ATRNL1: variants seen among roughly 807,000 people sequenced by gnomAD.
ATRNL1 encodes the protein attractin like 1.
In ATRNL1, 95 loss-of-function variants were observed where a neutral mutation model predicts 182.7. The observed-to-expected ratio is 0.52, with a 90% CI of 0.44 to 0.62. The LOEUF (loss-of-function observed/expected upper bound fraction) is 0.62. Among genes scored for constraint, ATRNL1 ranks in the 20% least tolerant of loss-of-function variants. ATRNL1 has a pLI of 0.00. For synonymous variants in ATRNL1, 576 were observed against 568.3 expected (o/e 1.01, Z -0.19); for missense variants, 1,471 against 1,679.5 (o/e 0.88, Z 2.17).
chr10:115,672,803 A>G (rs1389496064), intron 26 of ATRNL1, among the ~76,000 whole-genome samples: 1 of 152,100 alleles, frequency 6.6e-6, no homozygotes, highest in Admixed American at 6.6e-5. Flanking sequence ...TTTGGGGGAA[A>G]GAAGAAAAAA....
intron 5 of ATRNL1, among the ~76,000 whole-genome samples, chr10:115,157,634 A>G (rs1284121316): frequency 6.6e-6 from 1 of 152,120 alleles, no homozygotes; most frequent in African/African-American, 2.4e-5. Context: ...TTCCTTCTGC[A>G]GTCAAATCTC....
chr10:115,200,922 A>G (rs1320124693), intron 8 of ATRNL1, among the ~76,000 whole-genome samples: 3 of 150,590 alleles, frequency 2.0e-5, no homozygotes, highest in Non-Finnish European at 3.0e-5. Context: ...TTGCCATTCT[A>G]ACTGGTGTGA....
At chr10:115,315,152 TA>T (rs1854232052) in intron 17 of ATRNL1, among the ~76,000 whole-genome samples, 1 of 152,146 alleles carries the variant, frequency 6.6e-6, no homozygotes, top group South Asian at 2.1e-4. Context: ...CGAGGCACAA[TA>T]AGAATGGCTA....
At chr10:115,123,865 G>A (rs1844847515) in intron 3 of ATRNL1, among the ~76,000 whole-genome samples, 1 of 151,862 alleles carries the variant, frequency 6.6e-6, no homozygotes, top group Non-Finnish European at 1.5e-5. Context: ...TGTGAACTGT[G>A]CATGTGAGGG....
chr10:115,438,010 A>G (rs2134435820), intron 21 of ATRNL1, among the ~76,000 whole-genome samples: 1 of 152,132 alleles, frequency 6.6e-6, no homozygotes, highest in East Asian at 1.9e-4. Context: ...CTTAAATGGT[A>G]TAGATGATGC....
intron 19 of ATRNL1, among the ~76,000 whole-genome samples, chr10:115,371,056 G>T (rs1307850797): frequency 6.6e-6 from 1 of 152,186 alleles, no homozygotes; most frequent in Admixed American, 6.5e-5. Context: ...CCAAGCTGTG[G>T]CAACTTTCAT....
intron 19 of ATRNL1, among the ~76,000 whole-genome samples, chr10:115,361,604 C>G (rs1856752046): frequency 1.3e-5 from 2 of 152,004 alleles, no homozygotes; most frequent in African/African-American, 4.8e-5. Flanking sequence ...TCTTCACAAT[C>G]CTTTAAAAAT....
At chr10:115,122,987 C>T (rs368300891) in intron 3 of ATRNL1, among the ~76,000 whole-genome samples, 2 of 151,964 alleles carry the variant, frequency 1.3e-5, no homozygotes, top group East Asian at 1.9e-4. Context: ...TTTATGATAC[C>T]GTTGACTGAC....
At chr10:115,094,481 G>T (rs1464363361) in intron 1 of ATRNL1, among the ~76,000 whole-genome samples, 1 of 152,180 alleles carries the variant, frequency 6.6e-6, no homozygotes, top group East Asian at 1.9e-4. Context: ...ATCTATGAGT[G>T]CCTCTCTCTT....
chr10:115,638,739 T>C (rs1372695579), intron 26 of ATRNL1, among the ~76,000 whole-genome samples: 1 of 152,186 alleles, frequency 6.6e-6, no homozygotes, highest in Non-Finnish European at 1.5e-5. Context: ...ATGAAGATTA[T>C]AAAACTGAAA....
chr10:115,309,440 A>G (rs11197154), intron 17 of ATRNL1, among the ~76,000 whole-genome samples: 4,325 of 152,062 alleles, frequency 0.028, 88 homozygotes, highest in Non-Finnish European at 0.042. Context: ...TTTGTCATCT[A>G]TGATTTCTTT....
Position 115,623,394 on chromosome 10 carries a change from CAA to C in ATRNL1, c.3795+73860_3795+73861del, listed in dbSNP as rs377179202. Among the ~76,000 whole-genome samples, 397 of 152,012 alleles carry C rather than the reference CAA, an allele frequency of 2.6e-3. 1 individual carries two copies. The highest frequency in any genetic ancestry group is 9.0e-3 in the African/African-American group (373 of 41,454). On this transcript the variant is annotated intron_variant, in intron 26 of 28. Coordinates refer to ENST00000355044, the MANE Select transcript of ATRNL1 (RefSeq NM_207303.4). Reference sequence around the variant, plus strand: ...AAAATGTAAGCACTATCTAATATGACAAAGAGGTAATTGAGGTAGAAATTAGA... The same window carrying C: ...AAAATGTAAGCACTATCTAATATGACAGAGGTAATTGAGGTAGAAATTAGA...
chr10:115,848,031 T>G (rs1434406598), intron 28 of ATRNL1, 40 bp downstream of exon 28: 4 of 1,092,760 alleles, frequency 3.7e-6, no homozygotes, highest in Non-Finnish European at 5.6e-6. Flanking sequence ...AAGCAAAACT[T>G]GTAGACTGAA....
At chr10:115,753,604 T>C (rs1264124458) in intron 27 of ATRNL1, among the ~76,000 whole-genome samples, 2 of 152,216 alleles carry the variant, frequency 1.3e-5, no homozygotes, top group East Asian at 3.8e-4. Context: ...GTTCCAGGTC[T>C]TTGCTATTGT....
chr10:115,383,503 C>T (rs1564982142), intron 19 of ATRNL1, among the ~76,000 whole-genome samples: 1 of 151,428 alleles, frequency 6.6e-6, no homozygotes, highest in Non-Finnish European at 1.5e-5. Flanking sequence ...GACATTTTCC[C>T]TTACTGCGTT....
intron 27 of ATRNL1, among the ~76,000 whole-genome samples, chr10:115,778,484 A>G (rs1197360326): frequency 2.0e-5 from 3 of 152,244 alleles, no homozygotes; most frequent in African/African-American, 7.2e-5. Context: ...GTCTTTAAAG[A>G]GCAATAAGTA....
intron 15 of ATRNL1, among the ~76,000 whole-genome samples, chr10:115,295,618 C>T (rs1040975242): frequency 2.6e-5 from 4 of 152,008 alleles, no homozygotes; most frequent in African/African-American, 7.3e-5. Context: ...GGCCTAGGGG[C>T]GTATTAGCTG....
intron 14 of ATRNL1, among the ~76,000 whole-genome samples, chr10:115,282,426 A>G (rs10047292): frequency 0.076 from 11,308 of 149,536 alleles, 1,407 homozygotes; most frequent in African/African-American, 0.26. Flanking sequence ...ACCCCACAAC[A>G]GTCCCCAGAG....
intron 28 of ATRNL1, among the ~76,000 whole-genome samples, chr10:115,906,339 C>G (rs1203070175): frequency 6.6e-6 from 1 of 152,104 alleles, no homozygotes; most frequent in Non-Finnish European, 1.5e-5. Context: ...AGATTTCTCT[C>G]TGCCTTAACA....
Sources: gnomAD v4.1 joint callset for allele counts (sites outside exome capture counted in the v4.1 genomes callset) on GRCh38, gnomAD v4.1.1 for gene constraint, MANE v1.5 for transcripts, NCBI Gene and HGNC (gene_info 2026-07-23, HGNC 2026-07-21) for gene names.